DLGAP1: variants seen among roughly 807,000 people sequenced by gnomAD.
DLGAP1 encodes the protein DLG associated protein 1, also known as disks large-associated protein 1.
A neutral mutation model predicts 90.8 loss-of-function variants in DLGAP1; 11 were observed. The observed-to-expected ratio is 0.12, with a 90% CI of 0.08 to 0.20. DLGAP1 has a LOEUF of 0.20. Ranked by LOEUF, DLGAP1 falls within the 10% of genes least tolerant of loss-of-function variation. DLGAP1 has a pLI of 1.00. For missense variants in DLGAP1, 1,050 were observed against 1,333.8 expected (o/e 0.79, Z 3.31); for synonymous variants, 558 against 540.7 (o/e 1.03, Z -0.44).
chr18:4,177,967 C>T (rs2077139453), intron 1 of DLGAP1, among the ~76,000 whole-genome samples: 1 of 151,910 alleles, frequency 6.6e-6, no homozygotes, highest in Admixed American at 6.6e-5. Flanking sequence ...ATTATTTTAC[C>T]TTTAACTTTC....
chr18:3,740,971 TCACATCACCACCACCAC>T (rs2062890652), intron 6 of DLGAP1, among the ~76,000 whole-genome samples: 1 of 68,454 alleles, frequency 1.5e-5, no homozygotes, highest in African/African-American at 5.7e-5. Flanking sequence ...ACCACCACCA[TCACATCACCACCACCAC>T]CACCATCACC....
At chr18:3,803,558 G>A (rs182383141) in intron 5 of DLGAP1, among the ~76,000 whole-genome samples, 1 of 152,152 alleles carries the variant, frequency 6.6e-6, no homozygotes, top group Non-Finnish European at 1.5e-5. Flanking sequence ...TGGGAAAGAG[G>A]TGTGGTCCAA....
chr18:3,744,167 G>A (rs553120926), intron 5 of DLGAP1, among the ~76,000 whole-genome samples: 22 of 152,078 alleles, frequency 1.4e-4, no homozygotes, highest in Admixed American at 5.9e-4. Flanking sequence ...ATTGTAAAGA[G>A]ATAAGATTTG....
At chr18:3,874,880 G>C (rs983527906) in intron 4 of DLGAP1, 2 of 867,354 alleles carry the variant, frequency 2.3e-6, no homozygotes, top group African/African-American at 3.4e-5. Flanking sequence ...TAATACAATT[G>C]ACCGTATTAA....
intron 7 of DLGAP1, among the ~76,000 whole-genome samples, chr18:3,586,258 T>C (rs61462124): frequency 0.29 from 44,624 of 151,870 alleles, 6,640 homozygotes; most frequent in African/African-American, 0.32. Context: ...CCATCTCCCA[T>C]GTTGTTATAC....
chr18:3,906,408 C>A (rs1002790112), intron 3 of DLGAP1, among the ~76,000 whole-genome samples: 1 of 152,072 alleles, frequency 6.6e-6, no homozygotes, highest in Non-Finnish European at 1.5e-5. Context: ...CACAAAATTC[C>A]ACCTAATCCA....
intron 7 of DLGAP1, among the ~76,000 whole-genome samples, chr18:3,666,570 A>G (rs1305835456): frequency 6.6e-6 from 1 of 152,218 alleles, no homozygotes; most frequent in Non-Finnish European, 1.5e-5. Flanking sequence ...CTCTTAAAAC[A>G]CAGGATCAGA....
chr18:4,291,036 G>C (rs1288876364), intron 1 of DLGAP1, among the ~76,000 whole-genome samples: 2 of 152,158 alleles, frequency 1.3e-5, no homozygotes, highest in Non-Finnish European at 1.5e-5. Flanking sequence ...GGAATAGGAA[G>C]ACCTTAGAAT....
chr18:3,959,651 G>A (rs1599222604), intron 3 of DLGAP1, among the ~76,000 whole-genome samples: 1 of 133,522 alleles, frequency 7.5e-6, no homozygotes, highest in Non-Finnish European at 1.6e-5. Flanking sequence ...GTGACAGAGC[G>A]AGACTCTGTC....
intron 3 of DLGAP1, among the ~76,000 whole-genome samples, chr18:3,997,600 C>A (rs966915304): frequency 2.2e-4 from 34 of 151,772 alleles, no homozygotes; most frequent in Non-Finnish European, 3.8e-4. Flanking sequence ...AGTGTATTTC[C>A]TGTAAGTTGT....
At position 3,647,406 on chromosome 18, in the gene DLGAP1, T is replaced by C. The variant is rs536909515; in HGVS notation, c.1592-65158A>G. Among the ~76,000 whole-genome samples, 51 of 151,880 alleles carry C rather than the reference T, an allele frequency of 3.4e-4. No individual in the cohort carries two copies. In the South Asian group the frequency reaches 8.3e-3, roughly 25 times the overall value. On this transcript the variant is annotated intron_variant, in intron 7 of 12. Coordinates refer to ENST00000315677, the MANE Select transcript of DLGAP1 (RefSeq NM_004746.4). ...ACTATAAATAAATATCTAAAATATATTGAATGCCTACATGCTAAACAGTTT... is the reference window on the plus strand; with the variant it reads ...ACTATAAATAAATATCTAAAATATACTGAATGCCTACATGCTAAACAGTTT...
chr18:3,853,908 T>C (rs1599008490), intron 4 of DLGAP1, among the ~76,000 whole-genome samples: 1 of 152,272 alleles, frequency 6.6e-6, no homozygotes, highest in South Asian at 2.1e-4. Context: ...TTCATTTCTG[T>C]TAGTGTTTAT....
intron 2 of DLGAP1, among the ~76,000 whole-genome samples, chr18:4,124,514 C>T (rs180896241): frequency 2.4e-4 from 37 of 152,326 alleles, no homozygotes; most frequent in African/African-American, 6.0e-4. Flanking sequence ...TCGTAAGATA[C>T]GGAACAGCTT....
At chr18:3,928,432 G>T (rs937753538) in intron 3 of DLGAP1, among the ~76,000 whole-genome samples, 6 of 152,154 alleles carry the variant, frequency 3.9e-5, no homozygotes, top group Non-Finnish European at 8.8e-5. Context: ...AAGGGGATTG[G>T]AATTAAGTGG....
intron 3 of DLGAP1, among the ~76,000 whole-genome samples, chr18:3,920,779 AG>A (rs1193767715): frequency 2.6e-5 from 4 of 152,232 alleles, no homozygotes; most frequent in Non-Finnish European, 5.9e-5. Flanking sequence ...ATTTCCAGAA[AG>A]AATTACTTCT....
At chr18:4,367,699 A>C (rs1167231650) in intron 1 of DLGAP1, among the ~76,000 whole-genome samples, 1 of 151,970 alleles carries the variant, frequency 6.6e-6, no homozygotes, top group African/African-American at 2.4e-5. Flanking sequence ...AATACAAAAC[A>C]TTAGCTGGGC....
At chr18:4,448,321 G>A (rs2083719535) in intron 1 of DLGAP1, among the ~76,000 whole-genome samples, 1 of 152,050 alleles carries the variant, frequency 6.6e-6, no homozygotes, top group Non-Finnish European at 1.5e-5. Flanking sequence ...AGCTACCCAA[G>A]GAGTTTAACT....
chr18:4,240,435 T>C (rs920674017), intron 1 of DLGAP1, among the ~76,000 whole-genome samples: 1 of 152,206 alleles, frequency 6.6e-6, no homozygotes, highest in Non-Finnish European at 1.5e-5. Context: ...GAAGATGACA[T>C]AGATTCCTAA....
chr18:3,657,738 T>G (rs546056913), intron 7 of DLGAP1, among the ~76,000 whole-genome samples: 23 of 151,858 alleles, frequency 1.5e-4, no homozygotes, highest in South Asian at 4.2e-4. Context: ...GAATAGCTGG[T>G]ACTACAGGCG....
Sources: allele counts gnomAD v4.1 joint callset (sites outside exome capture counted in the v4.1 genomes callset), GRCh38; gene constraint gnomAD v4.1.1; transcripts MANE v1.5; gene names NCBI Gene and HGNC (gene_info 2026-07-23, HGNC 2026-07-21).